The following SYNE1 variants were observed in gnomAD, a reference collection of about 807,000 sequenced individuals.
SYNE1 encodes the protein nesprin-1.
SYNE1 carries 616 observed loss-of-function variants against 1,111.0 expected under a neutral mutation model. The observed-to-expected ratio is 0.55, with a 90% CI of 0.52 to 0.59. SYNE1 has a LOEUF of 0.59. Among genes scored for constraint, SYNE1 ranks in the 20% least tolerant of loss-of-function variants. The pLI, the probability that SYNE1 is intolerant of heterozygous loss-of-function variation, is 0.00. For synonymous variants in SYNE1, 3,855 were observed against 3,825.8 expected, an observed-to-expected ratio of 1.01 and a Z score of -0.28; for missense variants, 10,006 against 10,417.0, an observed-to-expected ratio of 0.96 and a Z score of 1.72.
intron 3 of SYNE1, among the ~76,000 whole-genome samples, chr6:152,593,179 T>C (rs1159637987): frequency 6.6e-6 from 1 of 152,250 alleles, no homozygotes; most frequent in Non-Finnish European, 1.5e-5. Flanking sequence ...GGTTTCCTTA[T>C]AAGTCATCTC....
intron 104 of SYNE1, among the ~76,000 whole-genome samples, chr6:152,250,253 CA>C (rs570605263): frequency 0.021 from 2,951 of 142,568 alleles, 68 homozygotes; most frequent in African/African-American, 0.07. Context: ...GACTTTATCT[CA>C]AAAAAAAAAA....
intron 49 of SYNE1, among the ~76,000 whole-genome samples, chr6:152,398,320 AATT>A (rs2097766315): frequency 6.6e-6 from 1 of 152,212 alleles, no homozygotes; most frequent in Admixed American, 6.5e-5. Flanking sequence ...ATACAGATAC[AATT>A]ATTATACTCT....
chr6:152,279,237 A>G (rs2093860502), intron 97 of SYNE1, among the ~76,000 whole-genome samples: 1 of 148,514 alleles, frequency 6.7e-6, no homozygotes, highest in Admixed American at 6.7e-5. Flanking sequence ...CTTCCTAGAT[A>G]AGACTTAAAA....
chr6:152,542,499 T>C lies in SYNE1; in HGVS notation c.68-2478A>G, dbSNP rs183899898. Reference sequence around the variant, plus strand: ...TTATCATTTATTTATCATTATATATTACATGTAATATTATATAAGTATTAA... The same window carrying C: ...TTATCATTTATTTATCATTATATATCACATGTAATATTATATAAGTATTAA... On this transcript the variant is annotated intron_variant, in intron 3 of 145. Coordinates refer to ENST00000367255, the MANE Select transcript of SYNE1 (RefSeq NM_182961.4). Among the ~76,000 whole-genome samples, 10 of 152,210 alleles carry C rather than the reference T, an allele frequency of 6.6e-5. No individual in the cohort carries two copies. In the East Asian group the frequency reaches 1.9e-3, roughly 29 times the overall value.
At position 152,326,024 on chromosome 6, in the gene SYNE1, C is replaced by T. The variant is rs752634980; in HGVS notation, c.15372G>A (p.Leu5124=). The stretch of plus-strand genomic sequence containing the variant: ...AAGTCTTCAACAAAGAAAACTCAGA[C>T]AATTTCTTTTCTGTATCATTCATCA... ...IELMNDTEKK[L]SEFSLLKTSS... Residue 5124 remains leucine, a synonymous_variant, in exon 80 of 146, where the codon TTG becomes TTA. Coordinates refer to ENST00000367255, the MANE Select transcript of SYNE1 (RefSeq NM_182961.4). The T allele has an allele frequency of 4.3e-6, 7 of 1,614,078 alleles. No homozygotes were observed. The highest frequency in any genetic ancestry group is 4.0e-5 in the African/African-American group (3 of 74,938).
rs555391123 is a variant in SYNE1, at chr6:152,462,990, G to A, written c.2098-100C>T. ...CACATATTCGCTGGAATTGTTATCC[G>A]GTAAGAAAGACTCTAATCTTTGATT... On this transcript the variant is annotated intron_variant, in intron 19 of 145. Coordinates refer to ENST00000367255, the MANE Select transcript of SYNE1 (RefSeq NM_182961.4). 20 of 1,388,250 alleles carry A rather than the reference G, an allele frequency of 1.4e-5. 1 individual carries two copies. The highest frequency in any genetic ancestry group is 6.9e-5 in the East Asian group (3 of 43,432). 86.0% of individuals were successfully genotyped at this position (1,388,250 alleles called of 1,614,324 possible).
intron 3 of SYNE1, among the ~76,000 whole-genome samples, chr6:152,590,464 TTATTA>T (rs989700894): frequency 3.3e-5 from 5 of 151,796 alleles, no homozygotes; most frequent in Non-Finnish European, 7.4e-5. Flanking sequence ...AAAACTATTA[TTATTA>T]TATTATTCTT....
intron 98 of SYNE1, among the ~76,000 whole-genome samples, chr6:152,272,927 C>A (rs972984787): frequency 3.3e-5 from 5 of 152,124 alleles, no homozygotes; most frequent in Non-Finnish European, 1.5e-5. Flanking sequence ...GGACATGATC[C>A]TTTTCATGGC....
At chr6:152,588,313 A>G (rs542599112) in intron 3 of SYNE1, among the ~76,000 whole-genome samples, 11 of 152,264 alleles carry the variant, frequency 7.2e-5, no homozygotes, top group African/African-American at 2.7e-4. Flanking sequence ...GAAGTATCTT[A>G]TATAATCTGT....
intron 127 of SYNE1, among the ~76,000 whole-genome samples, chr6:152,189,661 C>T (rs1028373884): frequency 6.6e-6 from 1 of 152,142 alleles, no homozygotes; most frequent in African/African-American, 2.4e-5. Flanking sequence ...TTACACTATA[C>T]TATTGTGTAT....
chr6:152,371,900 A>C (rs140373264), intron 59 of SYNE1, among the ~76,000 whole-genome samples: 3,481 of 89,770 alleles, frequency 0.039, 347 homozygotes, highest in African/African-American at 0.15. Context: ...AAGGAAAGGA[A>C]AGGAAAGGAA....
Position 152,369,367 on chromosome 6 carries a change from G to A in SYNE1, c.9651+104C>T, listed in dbSNP as rs772978152. Reference sequence around the variant, plus strand: ...TGGGGAAAAACACACTATGTCTCACGGCAGCACAGTCTAACTCAAGGGTGC... The same window carrying A: ...TGGGGAAAAACACACTATGTCTCACAGCAGCACAGTCTAACTCAAGGGTGC... On this transcript the variant is annotated intron_variant, in intron 60 of 145. Transcript: ENST00000367255. 230 of 1,541,692 alleles carry A rather than the reference G, an allele frequency of 1.5e-4. No individual in the cohort carries two copies. In the East Asian group the frequency reaches 3.9e-3, roughly 26 times the overall value.
chr6:152,325,128 T>C lies in SYNE1; in HGVS notation c.15613A>G (p.Ile5205Val), dbSNP rs998752783. 1.2e-6 allele frequency: 2 copies of C among 1,614,104 alleles called. No homozygotes were observed. Among genetic ancestry groups the C allele is most frequent in the African/African-American group, 2.7e-5 (2 of 74,930 alleles). Residue 5205 changes from isoleucine (I) to valine (V), a missense_variant, in exon 81 of 146, where the codon ATC becomes GTC. This residue lies in a region of SYNE1 where 4,955 missense variants were observed against 5,017.2 expected (regional missense o/e 0.99). Transcript: ENST00000367255. ...CACTCATCCACTGCATCTTCCAGGA[T>C]CTTCTCCTGGTCCTGGGCCACAGCT... is the stretch of plus-strand genomic sequence containing the variant. ...LRAVAQDQEK[I>V]LEDAVDEWTG...
intron 125 of SYNE1, among the ~76,000 whole-genome samples, chr6:152,206,727 C>G (rs1470029683): frequency 2.6e-5 from 4 of 152,132 alleles, no homozygotes; most frequent in African/African-American, 9.7e-5. Flanking sequence ...TAAGAAGGAC[C>G]TGGTGCGGTG....
At chr6:152,202,793 T>C (rs1318778481) in intron 126 of SYNE1, among the ~76,000 whole-genome samples, 1 of 152,114 alleles carries the variant, frequency 6.6e-6, no homozygotes, top group Admixed American at 6.6e-5. Context: ...AAAGAGGATA[T>C]GGCATGTCTT....
intron 3 of SYNE1, among the ~76,000 whole-genome samples, chr6:152,577,522 A>C (rs2099501999): frequency 6.6e-6 from 1 of 152,016 alleles, no homozygotes; most frequent in Admixed American, 6.6e-5. Flanking sequence ...AGTCGCAGCT[A>C]CTCGGGAGGC....
intron 57 of SYNE1, 100 bp from the exon 58 acceptor site, chr6:152,376,658 T>C: frequency 1.3e-6 from 2 of 1,555,664 alleles, no homozygotes; most frequent in African/African-American, 1.4e-5. Context: ...TGCACTTACC[T>C]CACTTAGTAA....
At chr6:152,505,444 C>G in intron 8 of SYNE1, 47 bp from the exon 9 acceptor site, 1 of 1,598,842 alleles carries the variant, frequency 6.3e-7, no homozygotes, top group Non-Finnish European at 8.6e-7. Flanking sequence ...TGAATAGATA[C>G]AAGCACTTTC....
At chr6:152,200,263 C>T (rs961368470) in intron 127 of SYNE1, among the ~76,000 whole-genome samples, 1 of 152,150 alleles carries the variant, frequency 6.6e-6, no homozygotes, top group African/African-American at 2.4e-5. Flanking sequence ...TTTCCAGAGG[C>T]CTCAGTTTTC....
Sources: allele counts gnomAD v4.1 joint callset (sites outside exome capture counted in the v4.1 genomes callset), GRCh38; gene constraint gnomAD v4.1.1; regional missense constraint gnomAD v4.1.1; transcripts MANE v1.5; gene names NCBI Gene and HGNC (gene_info 2026-07-23, HGNC 2026-07-21).